The following CRTAP variants were observed in gnomAD, a reference collection of about 807,000 sequenced individuals.
CRTAP encodes the protein cartilage associated protein.
CRTAP carries 33 observed loss-of-function variants against 42.7 expected under a neutral mutation model. The ratio of observed to expected loss-of-function variants is 0.77; its 90% CI spans 0.59 to 1.03. The LOEUF (loss-of-function observed/expected upper bound fraction) is 1.03. CRTAP is among the 50% of genes least tolerant of loss of function. The pLI is 0.00. For synonymous variants in CRTAP, 243 were observed against 217.7 expected (o/e 1.12, Z -1.02); for missense variants, 613 against 533.9 (o/e 1.15, Z -1.46).
intron 5 of CRTAP, 129 bp from the exon 6 acceptor site, chr3:33,134,053 C>T (rs1197934229): frequency 2.8e-6 from 2 of 713,278 alleles, no homozygotes; most frequent in Non-Finnish European, 5.2e-6. Context: ...AGTTGTACAG[C>T]CATTACCACT....
At chr3:33,141,057 G>A (rs2125607216) in intron 6 of CRTAP, among the ~76,000 whole-genome samples, 1 of 152,246 alleles carries the variant, frequency 6.6e-6, no homozygotes, top group East Asian at 1.9e-4. Context: ...CAGAGAAGGG[G>A]CAGCTGCTAG....
At position 33,114,421 on chromosome 3, in the gene CRTAP, G is replaced by A. The variant is rs867761925; in HGVS notation, c.344G>A (p.Arg115His). 2.6e-6 allele frequency: 4 copies of A among 1,552,094 alleles called. No homozygotes were observed. The highest frequency in any genetic ancestry group is 3.8e-5 in the Admixed American group (2 of 52,884). The change falls in exon 1 of 7, where the codon CGC (arginine) becomes CAC (histidine). Residue 115 changes from arginine (R) to histidine (H), a missense_variant. Arg to His is a conservative substitution (Grantham distance 29, BLOSUM62 0). Transcript: ENST00000320954. ...CGCCTCTTCGGGGGCCTGCTGCGCC[G>A]CGCGCACTGCCTCAAGCGCTGCAAG... ...ELRLFGGLLR[R>H]AHCLKRCKQG... is the part of the protein sequence containing the mutation.
At chr3:33,122,451 G>A (rs918323015) in intron 2 of CRTAP, among the ~76,000 whole-genome samples, 1 of 152,010 alleles carries the variant, frequency 6.6e-6, no homozygotes, top group African/African-American at 2.4e-5. Context: ...CCTCATGCCT[G>A]TAATCCCAGC....
In CRTAP at chr3:33,114,348, G is replaced by A; in HGVS notation, c.271G>A (p.Ala91Thr). The A allele has an allele frequency of 5.2e-6, 8 of 1,526,354 alleles. No individual in the cohort carries two copies. The highest frequency in any genetic ancestry group is 1.2e-5 in the South Asian group (1 of 82,782). 94.6% of individuals were successfully genotyped at this position (1,526,354 alleles called of 1,614,324 possible). The change falls in exon 1 of 7, where the codon GCG becomes ACG. Residue 91 changes from alanine (A) to threonine (T), a missense_variant. Physicochemically the swap from Ala to Thr is moderately conservative, Grantham distance 58 (BLOSUM62 0). Coordinates refer to ENST00000320954, the MANE Select transcript of CRTAP (RefSeq NM_006371.5). The part of the protein sequence containing the change: ...EAFCHRNCSA[A>T]PQPEPAAGLA... ...CTTCTGCCACCGCAACTGCAGCGCC[G>A]CGCCGCAGCCCGAGCCCGCCGCCGG... is the stretch of plus-strand genomic sequence containing the variant.
chr3:33,115,748 A>G (rs1701334822), intron 1 of CRTAP, among the ~76,000 whole-genome samples: 1 of 151,846 alleles, frequency 6.6e-6, no homozygotes, highest in South Asian at 2.1e-4. Context: ...TCTGGACTGC[A>G]AGATCTGTTT....
Position 33,114,058 on chromosome 3 carries a change from CCTTCCTTT to C in CRTAP, c.-18_-11del, listed in dbSNP as rs1701305782. The C allele has an allele frequency of 6.9e-7, 1 of 1,453,430 alleles. No individual in the cohort carries two copies. The highest frequency in any genetic ancestry group is 1.3e-5 in the South Asian group (1 of 75,544). The allele number at this position is 1,453,430 out of a possible 1,614,324, so 90.0% of individuals were successfully genotyped here. A position where few individuals can be genotyped will look rare whatever the true frequency, so the allele number is the denominator to read the frequency against. On this transcript the variant is annotated 5_prime_UTR_variant, in exon 1 of 7. Transcript: ENST00000320954. Reference sequence around the variant, plus strand: ...TTTTCCCTTCCTTCGTCCCTTCCTTCCTTCCTTTCGCCGGGCGCGATGGAGCCGGGGCG... The same window carrying C: ...TTTTCCCTTCCTTCGTCCCTTCCTTCCGCCGGGCGCGATGGAGCCGGGGCG...
In CRTAP at chr3:33,132,594, A is replaced by C. The variant is rs573914818; in HGVS notation, c.962A>C (p.Tyr321Ser). ...AATGCAGCCCCCTGTGCAGTCAGCT[A>C]TCTGCTCTTTGATCAGAATGACAAG... is the stretch of plus-strand genomic sequence containing the variant. ...LKNAAPCAVS[Y>S]LLFDQNDKVM... The change falls in exon 5 of 7, where the codon TAT (tyrosine) becomes TCT (serine). Residue 321 changes from tyrosine to serine, a missense_variant. By Grantham distance (144) the Tyr-to-Ser change is moderately radical (BLOSUM62 -2). Coordinates refer to ENST00000320954, the MANE Select transcript of CRTAP (RefSeq NM_006371.5). 4 of 1,614,076 alleles carry C rather than the reference A, an allele frequency of 2.5e-6. No homozygotes were observed. Among genetic ancestry groups the C allele is most frequent in the Non-Finnish European group, 3.4e-6 (4 of 1,180,022 alleles).
At chr3:33,129,834 G>A (rs1428397612) in intron 3 of CRTAP, 105 bp from the exon 4 acceptor site, 13 of 1,206,266 alleles carry the variant, frequency 1.1e-5, no homozygotes, top group Middle Eastern at 2.0e-4. Flanking sequence ...ACCGCGCCCG[G>A]CCTGTAAATA....
At chr3:33,127,738 G>A (rs1451480940) in intron 3 of CRTAP, among the ~76,000 whole-genome samples, 5 of 150,070 alleles carry the variant, frequency 3.3e-5, no homozygotes, top group Non-Finnish European at 4.4e-5. Flanking sequence ...GTGAGCCACC[G>A]CACCCGGCCT....
Position 33,130,119 on chromosome 3 carries a change from T to C in CRTAP, c.922+52T>C, listed in dbSNP as rs777522982. On this transcript the variant is annotated intron_variant, in intron 4 of 6. Coordinates refer to ENST00000320954, the MANE Select transcript of CRTAP (RefSeq NM_006371.5). ...GTGAGGCACTTAGTCCTTCTAAGAC[T>C]GTAAAATAGAGGTAATAACTCTTAG... The C allele has an allele frequency of 5.8e-6, 9 of 1,561,606 alleles. No homozygotes were observed. The South Asian group carries it at 1.0e-4, about 17-fold the overall frequency.
At chr3:33,117,984 G>A (rs548073514) in intron 1 of CRTAP, among the ~76,000 whole-genome samples, 108 of 140,750 alleles carry the variant, frequency 7.7e-4, no homozygotes, top group African/African-American at 2.7e-3. Flanking sequence ...TTTTTGAGAC[G>A]GAATCTCACT....
chr3:33,142,076 A>G (rs1352218879), intron 6 of CRTAP, among the ~76,000 whole-genome samples: 1 of 152,188 alleles, frequency 6.6e-6, no homozygotes, highest in Admixed American at 6.5e-5. Flanking sequence ...ACCTGCACAC[A>G]TGAGAGGGGA....
rs886058357 is a variant in CRTAP at position 33,143,702 on chromosome 3, C to A, written c.*1254C>A. ...TAAAGCAGGGGAGGGAGTAAGAAAT[C>A]CTGGAGATGAGGCTGCAGTTTTAAA... is the stretch of plus-strand genomic sequence containing the variant. On this transcript the variant is annotated 3_prime_UTR_variant, in exon 7 of 7. Coordinates refer to ENST00000320954, the MANE Select transcript of CRTAP (RefSeq NM_006371.5). The A allele has an allele frequency of 6.6e-6, 1 of 152,022 alleles. No homozygotes were observed. Among genetic ancestry groups the A allele is most frequent in the South Asian group, 2.1e-4 (1 of 4,822 alleles). 9.4% of individuals were successfully genotyped at this position (152,022 alleles called of 1,614,324 possible).
At position 33,145,120 on chromosome 3, in the gene CRTAP, CA is replaced by C. The variant is rs1394191797; in HGVS notation, c.*2674del. On this transcript the variant is annotated 3_prime_UTR_variant, in exon 7 of 7. Transcript: ENST00000320954. This position sits in a 1 kb window ranked among gnomAD's most constrained non-coding sequence, Gnocchi z 4.3. ...TCCCTTATCCCCCAGAACACTCTAC[CA>C]ACCTCGGGGAACTCGGGCACATCCT... The C allele has an allele frequency of 6.6e-6, 1 of 152,358 alleles. No individual in the cohort carries two copies. Among genetic ancestry groups the C allele is most frequent in the Non-Finnish European group, 1.5e-5 (1 of 68,160 alleles). 9.4% of individuals were successfully genotyped at this position (152,358 alleles called of 1,614,324 possible).
intron 4 of CRTAP, 89 bp downstream of exon 4, chr3:33,130,156 G>T: frequency 7.2e-7 from 1 of 1,380,062 alleles, no homozygotes; most frequent in Non-Finnish European, 1.0e-6. Context: ...TACGGTTGTT[G>T]AGAGTTCATC....
At chr3:33,130,826 G>A (rs763577448) in intron 4 of CRTAP, among the ~76,000 whole-genome samples, 6 of 152,126 alleles carry the variant, frequency 3.9e-5, no homozygotes, top group Admixed American at 6.6e-5. Flanking sequence ...GAGCCACTGC[G>A]CCCGTCCTGT....
intron 6 of CRTAP, among the ~76,000 whole-genome samples, chr3:33,141,165 G>A (rs2030560146): frequency 6.6e-6 from 1 of 152,132 alleles, no homozygotes; most frequent in Non-Finnish European, 1.5e-5. Flanking sequence ...GCCATGCAGG[G>A]GATGCATTTC....
At position 33,114,451 on chromosome 3, in the gene CRTAP, G is replaced by A. The variant is rs1313898400; in HGVS notation, c.374G>A (p.Gly125Asp). ...CACTGCCTCAAGCGCTGCAAGCAGGGCCTGCCAGCCTTCCGCCAGTCCCAG... is the reference window on the plus strand; with the variant it reads ...CACTGCCTCAAGCGCTGCAAGCAGGACCTGCCAGCCTTCCGCCAGTCCCAG... ...RAHCLKRCKQGLPAFRQSQPS... is the reference protein window; with the variant it reads ...RAHCLKRCKQDLPAFRQSQPS... Residue 125 changes from glycine to aspartate, a missense_variant, in exon 1 of 7, where the codon GGC (glycine) becomes GAC (aspartate). Gly to Asp is a moderately conservative substitution (Grantham distance 94, BLOSUM62 -1). Transcript: ENST00000320954. 6.3e-7 allele frequency: 1 copy of A among 1,580,578 alleles called. No homozygotes were observed. Among genetic ancestry groups the A allele is most frequent in the African/African-American group, 1.3e-5 (1 of 74,242 alleles).
chr3:33,142,280 CT>C, intron 6 of CRTAP, 114 bp from the exon 7 acceptor site: 2 of 1,008,236 alleles, frequency 2.0e-6, no homozygotes, highest in Admixed American at 3.6e-5. Flanking sequence ...CAGAAAAAAC[CT>C]GTTTCAGCCA....
Sources: allele counts gnomAD v4.1 joint callset (sites outside exome capture counted in the v4.1 genomes callset), GRCh38; gene constraint gnomAD v4.1.1; non-coding constraint Gnocchi (gnomAD v3.1); transcripts MANE v1.5; gene names NCBI Gene and HGNC (gene_info 2026-07-23, HGNC 2026-07-21).